Variants in GALNT9 observed in about 807,000 individuals in gnomAD.
The protein encoded by GALNT9 is polypeptide N-acetylgalactosaminyltransferase 9.
GALNT9 carries 47 observed loss-of-function variants against 63.1 expected under a neutral mutation model. The ratio of observed to expected loss-of-function variants is 0.75; its 90% CI spans 0.59 to 0.95. The LOEUF (loss-of-function observed/expected upper bound fraction) is 0.95. Ranked by LOEUF, GALNT9 falls within the 40% of genes least tolerant of loss-of-function variation. The pLI is 0.00. For missense variants in GALNT9, 829 were observed against 874.8 expected (o/e 0.95, Z 0.66); for synonymous variants, 396 against 365.7 (o/e 1.08, Z -0.94).
intron 1 of GALNT9, among the ~76,000 whole-genome samples, chr12:132,313,725 T>C (rs188543930): frequency 9.8e-5 from 9 of 91,892 alleles, no homozygotes; most frequent in Non-Finnish European, 1.7e-4. Context: ...CACTCATCCA[T>C]CCACCTGCCT....
intron 6 of GALNT9, among the ~76,000 whole-genome samples, chr12:132,228,353 TCGC>T (rs1877775338): frequency 7.1e-6 from 1 of 141,514 alleles, no homozygotes; most frequent in Non-Finnish European, 1.6e-5. Context: ...CAGCACCTCC[TCGC>T]TCCCTCCCCA....
chr12:132,200,658 G>A (rs1423206699), intron 8 of GALNT9: 1 of 156,286 alleles, frequency 6.4e-6, no homozygotes, highest in Non-Finnish European at 1.4e-5. Context: ...TCGTGTCCGC[G>A]TGCTCTTGTA....
rs116282704 is a variant in GALNT9 at position 132,324,933 on chromosome 12, G to A, written c.238+4033C>T. Among the ~76,000 whole-genome samples, 233 of 152,330 alleles carry A rather than the reference G, an allele frequency of 1.5e-3. 2 individuals are homozygous for A. The highest frequency in any genetic ancestry group is 5.2e-3 in the African/African-American group (216 of 41,586). ...CCAAGCCCTCCAGCCCCACAGGAAC[G>A]TCCCCTCAGCTGCTGCTCTGAACAC... On this transcript the variant is annotated intron_variant, in intron 1 of 10. Coordinates refer to ENST00000328957, the MANE Select transcript of GALNT9 (RefSeq NM_001122636.2).
At chr12:132,249,591 T>G (rs572758540) in intron 5 of GALNT9, among the ~76,000 whole-genome samples, 1 of 152,396 alleles carries the variant, frequency 6.6e-6, no homozygotes, top group South Asian at 2.1e-4. Context: ...TAGTTTATCA[T>G]ATACAACAGG....
chr12:132,259,518 G>A (rs1406701643), intron 4 of GALNT9, among the ~76,000 whole-genome samples: 1 of 152,200 alleles, frequency 6.6e-6, no homozygotes, highest in Non-Finnish European at 1.5e-5. Context: ...GGGCAGAGGA[G>A]GCAGCGTCTT....
At chr12:132,237,415 C>T (rs1164277446) in intron 6 of GALNT9, among the ~76,000 whole-genome samples, 1 of 151,904 alleles carries the variant, frequency 6.6e-6, no homozygotes, top group Non-Finnish European at 1.5e-5. Context: ...GCCCAAACAC[C>T]TGCCTACACC....
chr12:132,266,849 C>T (rs901100968), intron 2 of GALNT9, among the ~76,000 whole-genome samples: 9 of 152,274 alleles, frequency 5.9e-5, no homozygotes, highest in African/African-American at 4.8e-5. Flanking sequence ...ACCACCGAGT[C>T]GGGCAATGGG....
chr12:132,292,439 G>C (rs1341064261), intron 1 of GALNT9, among the ~76,000 whole-genome samples: 4 of 152,204 alleles, frequency 2.6e-5, no homozygotes, highest in African/African-American at 4.8e-5. Flanking sequence ...CCCACCCAAG[G>C]CTTCACGGGC....
intron 8 of GALNT9, 48 bp downstream of exon 8, chr12:132,201,076 G>C: frequency 6.3e-7 from 1 of 1,584,410 alleles, no homozygotes; most frequent in Non-Finnish European, 8.6e-7. Context: ...GCAGGAGTCA[G>C]GGCAGAAAGC....
chr12:132,318,762 G>A (rs947950384), intron 1 of GALNT9, among the ~76,000 whole-genome samples: 18 of 152,144 alleles, frequency 1.2e-4, no homozygotes, highest in Non-Finnish European at 2.2e-4. Flanking sequence ...GCTGTGGCCG[G>A]GTCCACTCAA....
chr12:132,328,907 C>T lies in GALNT9; in HGVS notation c.238+59G>A. ...CGAGGCCGGCCTGACCCATCGCGCC[C>T]GGGGTGGCCACTGTCCCGGGCAGGG... On this transcript the variant is annotated intron_variant, in intron 1 of 10. Transcript: ENST00000328957. The T allele has an allele frequency of 1.5e-5, 21 of 1,434,290 alleles. No homozygotes were observed. The South Asian group carries it at 3.0e-4, about 20-fold the overall frequency. 88.8% of individuals were successfully genotyped at this position (1,434,290 alleles called of 1,614,324 possible). A position where few individuals can be genotyped will look rare whatever the true frequency, so the allele number is the denominator to read the frequency against.
At chr12:132,247,838 C>A in intron 6 of GALNT9, 72 bp downstream of exon 6, 1 of 1,544,000 alleles carries the variant, frequency 6.5e-7, no homozygotes. Context: ...CCTCACTCGC[C>A]CTCATCCTGT....
At chr12:132,306,198 C>T (rs537311954) in intron 1 of GALNT9, among the ~76,000 whole-genome samples, 3 of 152,356 alleles carry the variant, frequency 2.0e-5, no homozygotes, top group African/African-American at 7.2e-5. Context: ...CTGTCCGCAC[C>T]GGAACCGCCT....
chr12:132,267,865 C>T (rs782146049), intron 2 of GALNT9, among the ~76,000 whole-genome samples: 12 of 132,098 alleles, frequency 9.1e-5, no homozygotes, highest in South Asian at 2.7e-4. Context: ...CACACACACA[C>T]GCATACAACC....
At chr12:132,225,722 TAC>T (rs1877646201) in intron 6 of GALNT9, among the ~76,000 whole-genome samples, 2 of 104,968 alleles carry the variant, frequency 1.9e-5, no homozygotes, top group African/African-American at 7.8e-5. Context: ...ACACACCCCA[TAC>T]ACACAACACT....
rs1593455801 is a variant in GALNT9 at position 132,197,034 on chromosome 12, C to T, written c.*73G>A. 6.3e-7 allele frequency: 1 copy of T among 1,585,216 alleles called. No homozygotes were observed. Among genetic ancestry groups the T allele is most frequent in the African/African-American group, 1.3e-5 (1 of 74,536 alleles). ...TGTCCTGCTGTGTCTGCCGGGCACA[C>T]CCCGGTCACTCAGCCACACTGGCTC... On this transcript the variant is annotated 3_prime_UTR_variant, in exon 11 of 11. Transcript: ENST00000328957.
At chr12:132,230,771 G>A (rs951100406) in intron 6 of GALNT9, among the ~76,000 whole-genome samples, 1 of 152,250 alleles carries the variant, frequency 6.6e-6, no homozygotes, top group Non-Finnish European at 1.5e-5. Flanking sequence ...GCTGAGGTAT[G>A]TGTTAACGGG....
rs1878965511 is a variant in GALNT9 at position 132,252,610 on chromosome 12, G to A, written c.960-4583C>T. On this transcript the variant is annotated intron_variant, in intron 5 of 10. Coordinates refer to ENST00000328957, the MANE Select transcript of GALNT9 (RefSeq NM_001122636.2). The surrounding 1 kb of genome is among the most constrained non-coding windows in gnomAD (Gnocchi z 5.2). ...ACACGGAGACCTGGCTGGGCGCACTGGCTCATGCCTGTAATCCCAGCACTT... is the reference window on the plus strand; with the variant it reads ...ACACGGAGACCTGGCTGGGCGCACTAGCTCATGCCTGTAATCCCAGCACTT... 6.6e-6 allele frequency among the ~76,000 whole-genome samples: 1 copy of A among 152,156 alleles called. No individual in the cohort carries two copies. The highest frequency in any genetic ancestry group is 2.4e-5 in the African/African-American group (1 of 41,424).
rs371269339 is a variant in GALNT9, at chr12:132,199,332, C to T, written c.1402-63G>A. On this transcript the variant is annotated intron_variant, in intron 8 of 10. Transcript: ENST00000328957. ...CCGAGGGTGCGGCCCCAGGGAGCTTCACGCAGCCAGCTCTGCAGCCAGCAC... is the reference window on the plus strand; with the variant it reads ...CCGAGGGTGCGGCCCCAGGGAGCTTTACGCAGCCAGCTCTGCAGCCAGCAC... 7.6e-6 allele frequency: 9 copies of T among 1,189,378 alleles called. No individual in the cohort carries two copies. The Middle Eastern group carries it at 5.8e-4, about 76-fold the overall frequency. 73.7% of individuals were successfully genotyped at this position (1,189,378 alleles called of 1,614,324 possible).
Sources: gnomAD v4.1 joint callset for allele counts (sites outside exome capture counted in the v4.1 genomes callset) on GRCh38, gnomAD v4.1.1 for gene constraint, Gnocchi (gnomAD v3.1) non-coding constraint, MANE v1.5 for transcripts, NCBI Gene and HGNC (gene_info 2026-07-23, HGNC 2026-07-21) for gene names.